The following CYP20A1 variants were observed in gnomAD, a reference collection of about 807,000 sequenced individuals.
The protein encoded by CYP20A1 is cytochrome P450 20A1.
In CYP20A1, 61 loss-of-function variants were observed where a neutral mutation model predicts 61.4. That is an observed-to-expected ratio of 0.99 (90% CI 0.81 to 1.23). CYP20A1 has a LOEUF of 1.23. Ranked by LOEUF, CYP20A1 falls within the 50% of genes most tolerant of loss-of-function variation. The pLI, the probability that CYP20A1 is intolerant of heterozygous loss-of-function variation, is 0.00. For synonymous variants in CYP20A1, 193 were observed against 188.2 expected (o/e 1.03, Z -0.21); for missense variants, 530 against 542.4 (o/e 0.98, Z 0.23).
intron 11 of CYP20A1, among the ~76,000 whole-genome samples, chr2:203,295,778 G>A (rs1434568417): frequency 2.0e-5 from 3 of 151,872 alleles, no homozygotes; most frequent in South Asian, 2.1e-4. Flanking sequence ...GTGAAACCCC[G>A]TCTCTACTAA....
chr2:203,285,564 G>A (rs780320557), intron 8 of CYP20A1, 48 bp from the exon 9 acceptor site: 1 of 1,480,804 alleles, frequency 6.8e-7, no homozygotes, highest in East Asian at 2.4e-5. Context: ...CTATACCCAA[G>A]CCATGAGTTA....
chr2:203,264,344 A>G (rs551120637), intron 4 of CYP20A1, among the ~76,000 whole-genome samples: 2 of 152,174 alleles, frequency 1.3e-5, no homozygotes, highest in Admixed American at 1.3e-4. Flanking sequence ...TTTCCAACTT[A>G]GTCTTATTAT....
At chr2:203,257,164 A>G (rs2066923169) in intron 4 of CYP20A1, among the ~76,000 whole-genome samples, 1 of 151,838 alleles carries the variant, frequency 6.6e-6, no homozygotes, top group African/African-American at 2.4e-5. Flanking sequence ...AAAAAAAGAG[A>G]AAAATTAGCT....
chr2:203,254,691 T>C (rs1218041357), intron 4 of CYP20A1, among the ~76,000 whole-genome samples: 3 of 152,152 alleles, frequency 2.0e-5, no homozygotes, highest in African/African-American at 7.2e-5. Flanking sequence ...TTAGTATTCT[T>C]TGAAAATCAC....
chr2:203,290,463 A>G (rs2068486585), intron 10 of CYP20A1, among the ~76,000 whole-genome samples: 1 of 152,054 alleles, frequency 6.6e-6, no homozygotes, highest in African/African-American at 2.4e-5. Flanking sequence ...GTATAGAAAC[A>G]CACATATACA....
chr2:203,305,096 G>A lies in CYP20A1; in HGVS notation c.*8188G>A, dbSNP rs949657595. ...ATGGATAATTGTAAAGTTTGAGTTG[G>A]GACCCATTTTTTAAGACATTCAGGC... On this transcript the variant is annotated 3_prime_UTR_variant, in exon 13 of 13. Transcript: ENST00000356079. Among the ~76,000 whole-genome samples the A allele has an allele frequency of 6.6e-6, 1 of 151,778 alleles. No individual in the cohort carries two copies. Among genetic ancestry groups the A allele is most frequent in the African/African-American group, 2.4e-5 (1 of 41,310 alleles).
intron 10 of CYP20A1, among the ~76,000 whole-genome samples, chr2:203,290,714 C>G (rs774784333): frequency 6.6e-6 from 1 of 152,142 alleles, no homozygotes; most frequent in Non-Finnish European, 1.5e-5. Flanking sequence ...GCAATCTTGG[C>G]TCACTGCAAC....
In CYP20A1 at chr2:203,299,370, C is replaced by T. The variant is rs1320916891; in HGVS notation, c.*2462C>T. On this transcript the variant is annotated 3_prime_UTR_variant, in exon 13 of 13. Coordinates refer to ENST00000356079, the MANE Select transcript of CYP20A1 (RefSeq NM_177538.3). ...CCCAGGAGTTGGAGGCTTCAGTGAG[C>T]TGTGATCACACCACTGCCCTCAGCC... Among the ~76,000 whole-genome samples, 3 of 151,960 alleles carry T rather than the reference C, an allele frequency of 2.0e-5. No homozygotes were observed.
At chr2:203,243,581 A>C (rs2066337941) in intron 1 of CYP20A1, among the ~76,000 whole-genome samples, 1 of 151,300 alleles carries the variant, frequency 6.6e-6, no homozygotes, top group Non-Finnish European at 1.5e-5. Flanking sequence ...ACGGGGTTTC[A>C]ACATGTATGC....
chr2:203,240,018 C>T (rs1265192296), intron 1 of CYP20A1, among the ~76,000 whole-genome samples: 2 of 152,130 alleles, frequency 1.3e-5, no homozygotes, highest in Admixed American at 6.5e-5. Flanking sequence ...ATCGCTTGAA[C>T]CTGGGAGGCG....
Position 203,285,630 on chromosome 2 carries a change from GT to G in CYP20A1, c.875del (p.Leu292Ter). ...ITAKLCTWAI[C>X]FLTTSEEVQK... is the part of the protein sequence containing the mutation. ...GACCTAGTGTGTACCTGGGCAATCTGTTTTTTAACCACCTCTGAAGAAGTTC... is the reference window on the plus strand; with the variant it reads ...GACCTAGTGTGTACCTGGGCAATCTGTTTTTAACCACCTCTGAAGAAGTTC... On this transcript the variant is annotated frameshift_variant, in exon 9 of 13. Coordinates refer to ENST00000356079, the MANE Select transcript of CYP20A1 (RefSeq NM_177538.3). LOFTEE classifies it high-confidence loss of function. 6.3e-7 allele frequency: 1 copy of G among 1,591,046 alleles called. No individual in the cohort carries two copies. The highest frequency in any genetic ancestry group is 1.9e-5 in the Admixed American group (1 of 52,876).
At chr2:203,277,736 G>A (rs1189839228) in intron 6 of CYP20A1, among the ~76,000 whole-genome samples, 1 of 151,846 alleles carries the variant, frequency 6.6e-6, no homozygotes, top group East Asian at 2.0e-4. Flanking sequence ...GGGTGGTCTT[G>A]AACTCCTGAC....
At chr2:203,253,942 T>G (rs1337880901) in intron 4 of CYP20A1, among the ~76,000 whole-genome samples, 1 of 152,008 alleles carries the variant, frequency 6.6e-6, no homozygotes, top group African/African-American at 2.4e-5. Flanking sequence ...ACTTGTTCTT[T>G]TCTTTCTTTT....
At chr2:203,266,770 C>A in intron 5 of CYP20A1, 89 bp downstream of exon 5, 1 of 1,138,330 alleles carries the variant, frequency 8.8e-7, no homozygotes, top group Non-Finnish European at 1.3e-6. Flanking sequence ...AGGCTGCAGT[C>A]AGGAGTTAAA....
intron 5 of CYP20A1, among the ~76,000 whole-genome samples, chr2:203,269,191 TAGCACTTTGGGAAGCCAAGGCAGGAG>T (rs2067454818): frequency 6.6e-6 from 1 of 151,998 alleles, no homozygotes; most frequent in Non-Finnish European, 1.5e-5. Flanking sequence ...CCTGTAATCC[TAGCACTTTGGGAAGCCAAGGCAGGAG>T]GATTACTTGA....
At position 203,301,914 on chromosome 2, in the gene CYP20A1, C is replaced by CTTTT. The variant is rs763764173; in HGVS notation, c.*5025_*5028dup. Among the ~76,000 whole-genome samples, 159 of 103,572 alleles carry CTTTT rather than the reference C, an allele frequency of 1.5e-3. No individual in the cohort carries two copies. The highest frequency in any genetic ancestry group is 2.1e-3 in the Admixed American group (17 of 7,930). The allele number at this position is 103,572 out of a possible 152,430, so 67.9% of individuals were successfully genotyped here. The stretch of plus-strand genomic sequence containing the variant: ...TTTGAAGTTAACCACTGTTAAGATT[C>CTTTT]TTTTTTTTTTTTTTTTTTTTTTGTT... On this transcript the variant is annotated 3_prime_UTR_variant, in exon 13 of 13. Coordinates refer to ENST00000356079, the MANE Select transcript of CYP20A1 (RefSeq NM_177538.3).
chr2:203,266,314 G>A (rs1013221428), intron 4 of CYP20A1, among the ~76,000 whole-genome samples, 200 bp from the exon 5 acceptor site: 1 of 151,914 alleles, frequency 6.6e-6, no homozygotes, highest in Admixed American at 6.6e-5. Context: ...TTACATATCA[G>A]CCCTTTGCCA....
chr2:203,304,615 A>T lies in CYP20A1; in HGVS notation c.*7707A>T, dbSNP rs1417240098. Among the ~76,000 whole-genome samples, 1 of 152,166 alleles carries T rather than the reference A, an allele frequency of 6.6e-6. No homozygotes were observed. The highest frequency in any genetic ancestry group is 2.4e-5 in the African/African-American group (1 of 41,436). On this transcript the variant is annotated 3_prime_UTR_variant, in exon 13 of 13. Coordinates refer to ENST00000356079, the MANE Select transcript of CYP20A1 (RefSeq NM_177538.3). The stretch of plus-strand genomic sequence containing the variant: ...TTTTACATAGTACGTTCATTGCAGC[A>T]TGAGTTACTTTTCACTTAATAAATT...
At position 203,305,632 on chromosome 2, in the gene CYP20A1, CAT is replaced by C. The variant is rs1160585162; in HGVS notation, c.*8727_*8728del. On this transcript the variant is annotated 3_prime_UTR_variant, in exon 13 of 13. Coordinates refer to ENST00000356079, the MANE Select transcript of CYP20A1 (RefSeq NM_177538.3). ...TCCTGTTTGGTGATTTTTAGAAAAACATATTTATCTACATCTAAAATACTTAT... is the reference window on the plus strand; with the variant it reads ...TCCTGTTTGGTGATTTTTAGAAAAACATTTATCTACATCTAAAATACTTAT... The C allele has an allele frequency of 2.6e-5, 4 of 152,240 alleles. No individual in the cohort carries two copies. Among genetic ancestry groups the C allele is most frequent in the African/African-American group, 7.2e-5 (3 of 41,540 alleles). 9.4% of individuals were successfully genotyped at this position (152,240 alleles called of 1,614,324 possible).
Sources: gnomAD v4.1 joint callset for allele counts (sites outside exome capture counted in the v4.1 genomes callset) on GRCh38, gnomAD v4.1.1 for gene constraint, MANE v1.5 for transcripts, NCBI Gene and HGNC (gene_info 2026-07-23, HGNC 2026-07-21) for gene names.